The following IMPA2 variants were observed in gnomAD, a reference collection of about 807,000 sequenced individuals.
IMPA2 encodes IMP 2.
Under a neutral mutation model 35.1 loss-of-function variants are expected in IMPA2, and 32 were observed. The observed-to-expected ratio is 0.91, with a 90% CI of 0.69 to 1.23. The LOEUF is 1.23. IMPA2 is among the 50% of genes most tolerant of loss of function. IMPA2 has a pLI of 0.00. For missense variants in IMPA2, 334 were observed against 387.6 expected (o/e 0.86, Z 1.16); for synonymous variants, 135 against 160.6 (o/e 0.84, Z 1.20).
At chr18:12,006,208 C>T (rs1907242890) in intron 2 of IMPA2, among the ~76,000 whole-genome samples, 1 of 152,222 alleles carries the variant, frequency 6.6e-6, no homozygotes, top group Admixed American at 6.5e-5. Context: ...TGTGTGTCTC[C>T]TGCAGGCTGC....
intron 5 of IMPA2, among the ~76,000 whole-genome samples, chr18:12,020,633 T>C (rs1907703399): frequency 6.6e-6 from 1 of 152,132 alleles, no homozygotes; most frequent in African/African-American, 2.4e-5. Flanking sequence ...CTTGTACTCT[T>C]TTTATCTTTT....
At chr18:11,983,254 A>G (rs576691762) in intron 1 of IMPA2, among the ~76,000 whole-genome samples, 23 of 152,362 alleles carry the variant, frequency 1.5e-4, no homozygotes, top group African/African-American at 4.6e-4. Context: ...CTTCCTGGAA[A>G]GCAGAGCTGC....
intron 5 of IMPA2, among the ~76,000 whole-genome samples, chr18:12,027,459 C>T (rs1356022927): frequency 2.0e-5 from 3 of 151,900 alleles, no homozygotes; most frequent in African/African-American, 4.8e-5. Flanking sequence ...GTATTTCTAT[C>T]GTTGCGATTG....
chr18:11,981,598 G>C lies in IMPA2; in HGVS notation c.-72G>C. 5.8e-6 allele frequency: 6 copies of C among 1,042,180 alleles called. No individual in the cohort carries two copies. Among genetic ancestry groups the C allele is most frequent in the Non-Finnish European group, 7.3e-6 (6 of 816,372 alleles). The allele number at this position is 1,042,180 out of a possible 1,614,324, so 64.6% of individuals were successfully genotyped here. A position where few individuals can be genotyped will look rare whatever the true frequency, so the allele number is the denominator to read the frequency against. On this transcript the variant is annotated 5_prime_UTR_variant, in exon 1 of 8. Coordinates refer to ENST00000269159, the MANE Select transcript of IMPA2 (RefSeq NM_014214.3). ...CAGGGAGTGTGGAGCCTGGCGGCGG[G>C]ACGGCGGGATCCGGTGGGAGCCGGA...
intron 2 of IMPA2, among the ~76,000 whole-genome samples, chr18:12,004,064 C>T (rs749835771): frequency 5.9e-5 from 9 of 152,310 alleles, no homozygotes; most frequent in Non-Finnish European, 1.3e-4. Flanking sequence ...CTGTTGAATG[C>T]GTGAGTCAAG....
Position 12,030,790 on chromosome 18 carries a change from A to T in IMPA2, c.*332A>T. 3.5e-6 allele frequency: 1 copy of T among 283,216 alleles called. No individual in the cohort carries two copies. Among genetic ancestry groups the T allele is most frequent in the Non-Finnish European group, 6.8e-6 (1 of 147,992 alleles). 17.5% of individuals were successfully genotyped at this position (283,216 alleles called of 1,614,324 possible). A position where few individuals can be genotyped will look rare whatever the true frequency, so the allele number is the denominator to read the frequency against. ...TCCCCCCAGAATATAAATCTCAGGT[A>T]ATAAGGCTTTAGAACTGCTGATAAA... On this transcript the variant is annotated 3_prime_UTR_variant, in exon 8 of 8. Coordinates refer to ENST00000269159, the MANE Select transcript of IMPA2 (RefSeq NM_014214.3).
intron 5 of IMPA2, among the ~76,000 whole-genome samples, chr18:12,018,477 A>G (rs1907642166): frequency 6.6e-6 from 1 of 152,188 alleles, no homozygotes; most frequent in African/African-American, 2.4e-5. Flanking sequence ...CTGTGTGCTG[A>G]TGCTTCTCCA....
chr18:11,990,310 G>C (rs143080261), intron 1 of IMPA2, among the ~76,000 whole-genome samples: 1 of 152,170 alleles, frequency 6.6e-6, no homozygotes, highest in Non-Finnish European at 1.5e-5. Flanking sequence ...CAGCACCTGG[G>C]ATGTGGACAG....
At chr18:11,999,887 ATCT>A (rs1221647675) in intron 2 of IMPA2, among the ~76,000 whole-genome samples, 1 of 152,268 alleles carries the variant, frequency 6.6e-6, no homozygotes, top group African/African-American at 2.4e-5. Context: ...AGATTGAGAC[ATCT>A]TCTTTAACTC....
chr18:12,030,401 G>A lies in IMPA2; in HGVS notation c.810G>A (p.Ala270=), dbSNP rs763024515. ...RVVAASTREM[A]MLIAQALQTI... ...TTGCGGCCAGCACCCGGGAGATGGC[G>A]ATGCTCATAGCTCAGGCCTTACAGA... is the stretch of plus-strand genomic sequence containing the variant. The change falls in exon 8 of 8, where the codon GCG becomes GCA. Residue 270 remains alanine (A), a synonymous_variant. Coordinates refer to ENST00000269159, the MANE Select transcript of IMPA2 (RefSeq NM_014214.3). The A allele has an allele frequency of 4.3e-6, 7 of 1,614,106 alleles. No homozygotes were observed. Among genetic ancestry groups the A allele is most frequent in the Admixed American group, 1.7e-5 (1 of 60,008 alleles).
At chr18:11,994,775 A>C (rs1424172404) in intron 1 of IMPA2, 60 of 152,446 alleles carry the variant, frequency 3.9e-4, no homozygotes, top group Admixed American at 3.9e-3. Context: ...GGACAGAGAC[A>C]GAGAGGGTAG....
rs542347322 is a variant in IMPA2 at position 12,018,714 on chromosome 18, A to G, written c.490+4341A>G. ...AAAGCTTTAGTGAGGAGAGTGGGAT[A>G]GTTTTACATTTTTTCCAAATTTCTT... On this transcript the variant is annotated intron_variant, in intron 5 of 7. Transcript: ENST00000269159. 2.6e-5 allele frequency among the ~76,000 whole-genome samples: 4 copies of G among 152,340 alleles called. No homozygotes were observed. In the East Asian group the frequency reaches 7.7e-4, roughly 29 times the overall value.
At chr18:12,017,831 AG>A (rs1907621926) in intron 5 of IMPA2, 1 of 339,326 alleles carries the variant, frequency 2.9e-6, no homozygotes, top group Admixed American at 4.1e-5. Context: ...ACCTCAAGTG[AG>A]CCTTTTGCCT....
intron 1 of IMPA2, among the ~76,000 whole-genome samples, chr18:11,992,646 A>AG (rs1333665722): frequency 4.6e-5 from 7 of 152,224 alleles, no homozygotes; most frequent in Admixed American, 6.5e-5. Context: ...GACCCGAGCC[A>AG]GGGGGGTCTG....
Position 11,981,683 on chromosome 18 carries a change from GC to G in IMPA2, c.15del (p.Glu6ArgfsTer49), listed in dbSNP as rs1906502604. The G allele has an allele frequency of 7.3e-6, 9 of 1,230,760 alleles. No homozygotes were observed. The highest frequency in any genetic ancestry group is 8.1e-6 in the Non-Finnish European group (8 of 986,952). 76.2% of individuals were successfully genotyped at this position (1,230,760 alleles called of 1,614,324 possible). MKPS[G>X]EDQAALAAGP... ...GGCGAGGCCGCGATGAAGCCGAGCG[GC>G]GAGGACCAGGCGGCGCTGGCGGCCG... On this transcript the variant is annotated frameshift_variant, in exon 1 of 8. Coordinates refer to ENST00000269159, the MANE Select transcript of IMPA2 (RefSeq NM_014214.3). LOFTEE classifies it high-confidence loss of function.
chr18:12,009,406 A>G (rs1056505893), intron 2 of IMPA2, among the ~76,000 whole-genome samples: 34 of 152,154 alleles, frequency 2.2e-4, no homozygotes, highest in Admixed American at 2.0e-4. Flanking sequence ...CAGGCTGGGT[A>G]CAGACGTGGG....
chr18:12,028,743 G>T, intron 6 of IMPA2, 99 bp from the exon 7 acceptor site: 1 of 1,360,212 alleles, frequency 7.4e-7, no homozygotes, highest in South Asian at 1.4e-5. Flanking sequence ...TTTTTCACTA[G>T]GGAAAATGCC....
chr18:12,012,099 G>A (rs912289216), intron 3 of IMPA2, 71 bp from the exon 4 acceptor site: 23 of 1,454,268 alleles, frequency 1.6e-5, no homozygotes, highest in African/African-American at 5.6e-5. Flanking sequence ...GCGGGGAGCC[G>A]CACAGCACAC....
chr18:12,009,226 T>C (rs995320140), intron 2 of IMPA2, among the ~76,000 whole-genome samples: 1 of 152,058 alleles, frequency 6.6e-6, no homozygotes, highest in African/African-American at 2.4e-5. Flanking sequence ...GCATGAGCTA[T>C]GATGATACCA....
Sources: gnomAD v4.1 joint callset for allele counts (sites outside exome capture counted in the v4.1 genomes callset) on GRCh38, gnomAD v4.1.1 for gene constraint, MANE v1.5 for transcripts, NCBI Gene and HGNC (gene_info 2026-07-23, HGNC 2026-07-21) for gene names.